Variants in RHPN1 observed in about 807,000 individuals in gnomAD.
The protein encoded by RHPN1 is rhophilin Rho GTPase binding protein 1, also known as rhophilin-1.
Under a neutral mutation model 74.7 loss-of-function variants are expected in RHPN1, and 77 were observed. The observed-to-expected ratio is 1.03, with a 90% CI of 0.86 to 1.25. RHPN1 has a LOEUF of 1.25. Ranked by LOEUF, RHPN1 falls within the 50% of genes most tolerant of loss-of-function variation. RHPN1 has a pLI of 0.00. For missense variants in RHPN1, 987 were observed against 932.2 expected, an observed-to-expected ratio of 1.06 and a Z score of -0.77; for synonymous variants, 444 against 414.5, an observed-to-expected ratio of 1.07 and a Z score of -0.87.
In RHPN1 at chr8:143,381,793, A is replaced by C; in HGVS notation, c.1636-14A>C. The C allele has an allele frequency of 6.2e-7, 1 of 1,610,628 alleles. No individual in the cohort carries two copies. The highest frequency in any genetic ancestry group is 8.5e-7 in the Non-Finnish European group (1 of 1,178,770). On this transcript the variant is annotated splice_polypyrimidine_tract_variant and intron_variant, in intron 13 of 14. Transcript: ENST00000289013. Reference sequence around the variant, plus strand: ...GTGTCCTGTCCCCACCTCACCGTCCAAGTCTCCCCACAGGCGGCTGGCCTG... The same window carrying C: ...GTGTCCTGTCCCCACCTCACCGTCCCAGTCTCCCCACAGGCGGCTGGCCTG...
chr8:143,370,193 TGGG>T (rs1817732157), intron 1 of RHPN1, among the ~76,000 whole-genome samples: 2 of 152,154 alleles, frequency 1.3e-5, no homozygotes, highest in Non-Finnish European at 2.9e-5. Flanking sequence ...CTTTTCAGGC[TGGG>T]GGCTGTGCCT....
upstream of RHPN1, chr8:143,368,626 G>C: frequency 5.8e-6 from 1 of 172,976 alleles, no homozygotes. Context: ...CGGCGCATGC[G>C]CAGTACAACC....
intron 11 of RHPN1, 47 bp from the exon 12 acceptor site, chr8:143,381,221 A>G: frequency 6.6e-7 from 1 of 1,522,658 alleles, no homozygotes; most frequent in East Asian, 2.3e-5. Flanking sequence ...TCCCCGAGGC[A>G]GGTCTCCACA....
chr8:143,368,037 T>C (rs556597304), upstream of RHPN1: 1 of 153,198 alleles, frequency 6.5e-6, no homozygotes, highest in African/African-American at 2.4e-5. Flanking sequence ...GTTTTGAAAG[T>C]AGGTTCTGAA....
chr8:143,381,190 C>T, intron 11 of RHPN1, 78 bp from the exon 12 acceptor site: 1 of 1,251,596 alleles, frequency 8.0e-7, no homozygotes, highest in Non-Finnish European at 1.1e-6. Flanking sequence ...CACTCAGGGT[C>T]ATGCCCTGCG....
At chr8:143,380,993 TC>T (rs1818685571) in intron 11 of RHPN1, among the ~76,000 whole-genome samples, 1 of 152,194 alleles carries the variant, frequency 6.6e-6, no homozygotes. Flanking sequence ...AGCACCTCCC[TC>T]CCTGCACTGG....
intron 5 of RHPN1, 105 bp downstream of exon 5, chr8:143,378,451 C>T (rs762995929): frequency 1.3e-4 from 143 of 1,078,930 alleles, no homozygotes; most frequent in Non-Finnish European, 1.7e-4. Context: ...GTAGACATCT[C>T]GAGGACGTGG....
At position 143,380,668 on chromosome 8, in the gene RHPN1, G is replaced by C. The variant is rs1194070721; in HGVS notation, c.1296G>C (p.Glu432Asp). ...RLHALCRVLR[E>D]VDLLRAVISQ... ...ACGCCCTGTGCCGCGTCCTGCGCGA[G>C]GTGGACCTGCTTCGGGCTGTGATCT... The change falls in exon 11 of 15, where the codon GAG (glutamate) becomes GAC (aspartate). Residue 432 changes from glutamate (E) to aspartate (D), a missense_variant. Glu to Asp is a conservative substitution (Grantham distance 45, BLOSUM62 2). Coordinates refer to ENST00000289013, the MANE Select transcript of RHPN1 (RefSeq NM_052924.3). The C allele has an allele frequency of 6.3e-7, 1 of 1,575,916 alleles. No individual in the cohort carries two copies. Among genetic ancestry groups the C allele is most frequent in the Non-Finnish European group, 8.6e-7 (1 of 1,161,506 alleles).
Position 143,383,550 on chromosome 8 carries a change from C to T in RHPN1, c.*899C>T, listed in dbSNP as rs1038900746. 2.0e-5 allele frequency: 3 copies of T among 152,442 alleles called. No individual in the cohort carries two copies. The highest frequency in any genetic ancestry group is 7.2e-5 in the African/African-American group (3 of 41,450). 9.4% of individuals were successfully genotyped at this position (152,442 alleles called of 1,614,324 possible). A position where few individuals can be genotyped will look rare whatever the true frequency, so the allele number is the denominator to read the frequency against. Reference sequence around the variant, plus strand: ...TGGGTGGACAATGGCCCCCAAAGGCCGTCGGCAAGAACACCACCTCCAGGA... The same window carrying T: ...TGGGTGGACAATGGCCCCCAAAGGCTGTCGGCAAGAACACCACCTCCAGGA... On this transcript the variant is annotated 3_prime_UTR_variant, in exon 15 of 15. Transcript: ENST00000289013.
Position 143,380,731 on chromosome 8 carries a change from G to A in RHPN1, c.1359G>A (p.Glu453=). Residue 453 remains glutamate (E), a synonymous_variant, in exon 11 of 15, where the codon GAG becomes GAA. Transcript: ENST00000289013. Reference sequence around the variant, plus strand: ...AGCGCTCACTGGCCAAGTATGCGGAGCTCGACCGTGAGGATGACTTCTGTG... The same window carrying A: ...AGCGCTCACTGGCCAAGTATGCGGAACTCGACCGTGAGGATGACTTCTGTG... ...TLQRSLAKYA[E]LDREDDFCEA... 3 of 1,594,950 alleles carry A rather than the reference G, an allele frequency of 1.9e-6. No individual in the cohort carries two copies. Among genetic ancestry groups the A allele is most frequent in the Non-Finnish European group, 1.7e-6 (2 of 1,171,200 alleles).
At chr8:143,372,230 G>C (rs1012661147) in intron 1 of RHPN1, among the ~76,000 whole-genome samples, 1 of 152,014 alleles carries the variant, frequency 6.6e-6, no homozygotes, top group Admixed American at 6.5e-5. Flanking sequence ...TGTAGCTGCG[G>C]TGGGTGGCAC....
chr8:143,364,607 C>T (rs1176159703), upstream of RHPN1, among the ~76,000 whole-genome samples: 1 of 150,192 alleles, frequency 6.7e-6, no homozygotes, highest in Admixed American at 6.6e-5. This position sits in a 1 kb window ranked among gnomAD's most constrained non-coding sequence, Gnocchi z 4.5. Flanking sequence ...TTTTTTTTAA[C>T]AACTCTTATT....
In RHPN1 at chr8:143,381,735, C is replaced by A. The variant is rs1289019870; in HGVS notation, c.1635+17C>A. ...CAGGCCGCGGTAAGGGCCCCGCCGG[C>A]CCCCTGAGGCTGAGTCCTTGGTGCC... On this transcript the variant is annotated intron_variant, in intron 13 of 14. Transcript: ENST00000289013. 6.2e-7 allele frequency: 1 copy of A among 1,606,574 alleles called. No homozygotes were observed. The highest frequency in any genetic ancestry group is 1.1e-5 in the South Asian group (1 of 90,012).
upstream of RHPN1, among the ~76,000 whole-genome samples, chr8:143,365,776 T>C (rs933888543): frequency 5.3e-5 from 8 of 152,050 alleles, no homozygotes; most frequent in African/African-American, 1.4e-4. Context: ...GGTGGGCCAA[T>C]TGCTTGAGCC....
chr8:143,371,743 T>C (rs898407766), intron 1 of RHPN1, among the ~76,000 whole-genome samples: 1 of 152,174 alleles, frequency 6.6e-6, no homozygotes, highest in East Asian at 1.9e-4. Flanking sequence ...TCTCTGTCCT[T>C]TCCTAATGCA....
intron 2 of RHPN1, 33 bp downstream of exon 2, chr8:143,375,701 A>G: frequency 6.6e-7 from 1 of 1,524,436 alleles, no homozygotes; most frequent in South Asian, 1.2e-5. Context: ...CCCCGGGAGC[A>G]GGGCCCACCT....
intron 10 of RHPN1, 32 bp downstream of exon 10, chr8:143,380,207 C>T (rs1276660512): frequency 1.4e-6 from 2 of 1,417,366 alleles, no homozygotes; most frequent in South Asian, 2.6e-5. Context: ...TGCCCTGGGG[C>T]TCAGATGGTC....
intron 1 of RHPN1, among the ~76,000 whole-genome samples, chr8:143,372,311 C>T (rs1322281481): frequency 8.5e-5 from 4 of 47,206 alleles, no homozygotes; most frequent in South Asian, 6.5e-4. Context: ...GGATGGGAGG[C>T]GGGGGTGGGC....
Position 143,374,189 on chromosome 8 carries a change from G to A in RHPN1, c.61-1364G>A, listed in dbSNP as rs78038183. 9.8e-3 allele frequency: 9,643 copies of A among 985,424 alleles called. 713 individuals carry two copies. The African/African-American group carries it at 0.16, about 16-fold the overall frequency. The allele number at this position is 985,424 out of a possible 1,614,324, so 61.0% of individuals were successfully genotyped here. ...TGTGAGCTCTTTACGGGGAAGACGG[G>A]AAGGCCTGAGAGACGTGTGTGCGTG... is the stretch of plus-strand genomic sequence containing the variant. On this transcript the variant is annotated intron_variant, in intron 1 of 14. Transcript: ENST00000289013.
Sources: gnomAD v4.1 joint callset for allele counts (sites outside exome capture counted in the v4.1 genomes callset) on GRCh38, gnomAD v4.1.1 for gene constraint, Gnocchi (gnomAD v3.1) non-coding constraint, MANE v1.5 for transcripts, NCBI Gene and HGNC (gene_info 2026-07-23, HGNC 2026-07-21) for gene names.